The following HELLS variants were observed in gnomAD, a reference collection of about 807,000 sequenced individuals.
HELLS encodes helicase, lymphoid specific.
Under a neutral mutation model 120.0 loss-of-function variants are expected in HELLS, and 32 were observed. That is an observed-to-expected ratio of 0.27 (90% confidence interval 0.20 to 0.36). The LOEUF is 0.36. HELLS is among the 10% of genes least tolerant of loss of function. The pLI, the probability that HELLS is intolerant of heterozygous loss-of-function variation, is 1.00. For missense variants in HELLS, 650 were observed against 993.4 expected, an observed-to-expected ratio of 0.65 and a Z score of 4.65; for synonymous variants, 341 against 323.4, an observed-to-expected ratio of 1.05 and a Z score of -0.58.
chr10:94,579,422 C>T (rs970701091), intron 10 of HELLS, among the ~76,000 whole-genome samples: 9 of 151,816 alleles, frequency 5.9e-5, no homozygotes, highest in East Asian at 1.9e-4. Flanking sequence ...AGGATGGTCT[C>T]GATCTCCTGC....
intron 5 of HELLS, 27 bp from the exon 6 acceptor site, chr10:94,562,785 T>A (rs993328126): frequency 1.7e-5 from 26 of 1,528,912 alleles, no homozygotes; most frequent in Admixed American, 3.8e-5. Flanking sequence ...TTTTAATTGC[T>A]ATCAAAAATA....
intron 2 of HELLS, among the ~76,000 whole-genome samples, chr10:94,552,075 T>C (rs1348461010): frequency 1.3e-5 from 2 of 152,122 alleles, no homozygotes; most frequent in African/African-American, 2.4e-5. Flanking sequence ...TAAACAATGC[T>C]CAATTACTTT....
At chr10:94,584,195 C>CATCTCAAT (rs1845009839) in intron 12 of HELLS, 1 of 540,018 alleles carries the variant, frequency 1.9e-6, no homozygotes, top group African/African-American at 2.0e-5. Flanking sequence ...TGTTTATTGA[C>CATCTCAAT]TATTGGTAGT....
intron 2 of HELLS, 100 bp from the exon 3 acceptor site, chr10:94,554,026 T>C: frequency 8.7e-7 from 1 of 1,145,446 alleles, no homozygotes; most frequent in Non-Finnish European, 1.2e-6. Context: ...GTGTTTGGTT[T>C]AAAAAATGTT....
chr10:94,560,193 G>A (rs1214911043), intron 4 of HELLS, among the ~76,000 whole-genome samples: 2 of 151,906 alleles, frequency 1.3e-5, no homozygotes, highest in East Asian at 2.0e-4. Flanking sequence ...CAGCACACCC[G>A]GCTAATTTTT....
At chr10:94,560,754 A>G (rs564755904) in intron 4 of HELLS, among the ~76,000 whole-genome samples, 9 of 150,494 alleles carry the variant, frequency 6.0e-5, no homozygotes, top group African/African-American at 2.2e-4. Context: ...TGAGAGAGAG[A>G]GTATTAAAAA....
intron 6 of HELLS, 151 bp downstream of exon 6, chr10:94,563,027 A>T (rs918658007): frequency 2.2e-5 from 13 of 588,932 alleles, no homozygotes; most frequent in Middle Eastern, 4.6e-4. Context: ...TGAAGCTGCC[A>T]AAATGTTTGA....
chr10:94,592,250 A>G lies in HELLS; in HGVS notation c.1789A>G (p.Asn597Asp), dbSNP rs773891544. 6.2e-7 allele frequency: 1 copy of G among 1,611,734 alleles called. No individual in the cohort carries two copies. The highest frequency in any genetic ancestry group is 1.1e-5 in the South Asian group (1 of 90,478). The change falls in exon 16 of 22, where the codon AAT (asparagine) becomes GAT (aspartate). Residue 597 changes from asparagine to aspartate, a missense_variant. By Grantham distance (23) the Asn-to-Asp change is conservative. Coordinates refer to ENST00000348459, the MANE Select transcript of HELLS (RefSeq NM_018063.5). Reference protein sequence around the residue: ...EFKIDEELVTNSGKFLILDRM... With the variant: ...EFKIDEELVTDSGKFLILDRM... ...TAAGATCGATGAAGAATTGGTAACA[A>G]ATTCTGGGAAGTTCTTGATTTTGGA...
rs138310520 is a variant in HELLS, at chr10:94,599,104, A to T, written c.2422+1993A>T. Among the ~76,000 whole-genome samples, 682 of 152,144 alleles carry T rather than the reference A, an allele frequency of 4.5e-3. 5 individuals are homozygous for T. The highest frequency in any genetic ancestry group is 0.021 in the South Asian group (101 of 4,786). On this transcript the variant is annotated intron_variant, in intron 21 of 21. Coordinates refer to ENST00000348459, the MANE Select transcript of HELLS (RefSeq NM_018063.5). The stretch of plus-strand genomic sequence containing the variant: ...CTTTCTCTAGTTTTGTTCTTTTTCA[A>T]AATTGTTTTAGATATTCTGGATTAT...
chr10:94,594,019 A>T (rs1589761404), intron 18 of HELLS, among the ~76,000 whole-genome samples: 2 of 140,686 alleles, frequency 1.4e-5, no homozygotes, highest in East Asian at 4.1e-4. Flanking sequence ...CTTGTTGCCC[A>T]GGCTGGGATT....
At position 94,582,916 on chromosome 10, in the gene HELLS, A is replaced by G. The variant is rs534658932; in HGVS notation, c.1230-47A>G. The G allele has an allele frequency of 5.5e-5, 54 of 985,294 alleles. 1 individual carries two copies. The South Asian group carries it at 7.0e-4, about 13-fold the overall frequency. 61.0% of individuals were successfully genotyped at this position (985,294 alleles called of 1,614,324 possible). On this transcript the variant is annotated intron_variant, in intron 11 of 21. Transcript: ENST00000348459. ...ATGATAAATCATGTATCATGTTGAC[A>G]TAATTGAATTTATGTGATGGTTAAC...
Position 94,593,624 on chromosome 10 carries a change from G to T in HELLS, c.2088+9G>T. ...TTTATGATAGTGATTGGGTAAGTTG[G>T]AAGTATAGCAAGGAATATGCTGATT... On this transcript the variant is annotated intron_variant, in intron 18 of 21. Coordinates refer to ENST00000348459, the MANE Select transcript of HELLS (RefSeq NM_018063.5). 6.8e-7 allele frequency: 1 copy of T among 1,476,232 alleles called. No homozygotes were observed. The allele number at this position is 1,476,232 out of a possible 1,614,324, so 91.4% of individuals were successfully genotyped here.
chr10:94,554,648 T>G (rs1053916857), intron 3 of HELLS, among the ~76,000 whole-genome samples: 2 of 137,184 alleles, frequency 1.5e-5, no homozygotes, highest in African/African-American at 5.4e-5. Flanking sequence ...AATAGTGTTT[T>G]TTTTTTTGTT....
chr10:94,563,842 C>T, intron 6 of HELLS, among the ~76,000 whole-genome samples: 1 of 138,434 alleles, frequency 7.2e-6, no homozygotes, highest in South Asian at 2.4e-4. Flanking sequence ...CGGAGATTTA[C>T]CCTTGCTGCC....
chr10:94,560,744 TGA>T (rs750061798), intron 4 of HELLS, among the ~76,000 whole-genome samples: 10 of 150,332 alleles, frequency 6.7e-5, no homozygotes, highest in Admixed American at 1.3e-4. Flanking sequence ...ACTGAGTCAC[TGA>T]GAGAGAGAGT....
intron 6 of HELLS, among the ~76,000 whole-genome samples, chr10:94,564,264 A>G (rs1426821030): frequency 6.6e-6 from 1 of 152,152 alleles, no homozygotes; most frequent in African/African-American, 2.4e-5. Flanking sequence ...AAAATTACAT[A>G]TATGTTGCGG....
downstream of HELLS, among the ~76,000 whole-genome samples, chr10:94,603,186 A>C (rs1036696488): frequency 2.0e-5 from 3 of 152,208 alleles, no homozygotes; most frequent in Non-Finnish European, 4.4e-5. Context: ...AAGCTCCTTG[A>C]AAAAGAGTTC....
chr10:94,593,422 T>G lies in HELLS; in HGVS notation c.1972-77T>G, dbSNP rs547326110. 2.2e-5 allele frequency: 19 copies of G among 874,976 alleles called. No homozygotes were observed. The African/African-American group carries it at 3.2e-4, about 15-fold the overall frequency. 54.2% of individuals were successfully genotyped at this position (874,976 alleles called of 1,614,324 possible). ...TTGTTTAAGTCTTTAATAGTTGTAATTGAAAACATTTTTCTCCTTCAGTCT... is the reference window on the plus strand; with the variant it reads ...TTGTTTAAGTCTTTAATAGTTGTAAGTGAAAACATTTTTCTCCTTCAGTCT... On this transcript the variant is annotated intron_variant, in intron 17 of 21. Transcript: ENST00000348459.
At chr10:94,561,438 G>A (rs1450827449) in intron 4 of HELLS, among the ~76,000 whole-genome samples, 1 of 151,938 alleles carries the variant, frequency 6.6e-6, no homozygotes, top group East Asian at 1.9e-4. Context: ...TTTCCCCTCT[G>A]CTTTTTTCAT....
Sources: gnomAD v4.1 joint callset for allele counts (sites outside exome capture counted in the v4.1 genomes callset) on GRCh38, gnomAD v4.1.1 for gene constraint, MANE v1.5 for transcripts, NCBI Gene and HGNC (gene_info 2026-07-23, HGNC 2026-07-21) for gene names.